The following SAMD5 variants were observed in gnomAD, a reference collection of about 807,000 sequenced individuals.
SAMD5 encodes sterile alpha motif domain containing 5, also known as sterile alpha motif domain-containing protein 5.
SAMD5 carries 13 observed loss-of-function variants against 11.3 expected under a neutral mutation model. The ratio of observed to expected loss-of-function variants is 1.15; its 90% CI spans 0.75 to 1.83. The LOEUF is 1.83. Among genes scored for constraint, SAMD5 ranks in the 40% most tolerant of loss-of-function variants. The probability of loss-of-function intolerance (pLI) is 0.00; values close to 1 mark genes in which losing one functional copy is unlikely to be tolerated. For missense variants in SAMD5, 255 were observed against 239.1 expected (o/e 1.07, Z -0.44); for synonymous variants, 129 against 111.3 (o/e 1.16, Z -1.00).
intron 1 of SAMD5, among the ~76,000 whole-genome samples, chr6:147,650,824 C>A (rs575139224): frequency 1.3e-5 from 2 of 152,216 alleles, no homozygotes; most frequent in Admixed American, 1.3e-4. Flanking sequence ...GTAGGGCATC[C>A]AGGCGGAGAT....
the SAMD5 span, among the ~76,000 whole-genome samples, chr6:147,900,309 T>C: frequency 3.3e-5 from 5 of 152,318 alleles, no homozygotes; most frequent in Admixed American, 2.6e-4. Flanking sequence ...TTCCTTGATA[T>C]TGAGTTGATA....
At chr6:147,853,014 C>T in the SAMD5 span, among the ~76,000 whole-genome samples, 1 of 152,164 alleles carries the variant, frequency 6.6e-6, no homozygotes, top group Non-Finnish European at 1.5e-5. Flanking sequence ...GTTTACTGGT[C>T]AAGAATCAGT....
chr6:147,739,980 C>T (rs536281702), downstream of SAMD5, among the ~76,000 whole-genome samples: 409 of 152,040 alleles, frequency 2.7e-3, no homozygotes, highest in African/African-American at 9.3e-3. Context: ...CCACCACGCC[C>T]GGCCAATTTT....
the SAMD5 span, among the ~76,000 whole-genome samples, chr6:147,890,360 T>C: frequency 2.1e-5 from 3 of 143,748 alleles, no homozygotes; most frequent in African/African-American, 8.6e-5. Flanking sequence ...TTTTCAATTA[T>C]CTTTTTTTTT....
At chr6:147,543,287 C>T (rs577298648) in intron 1 of SAMD5, among the ~76,000 whole-genome samples, 3 of 152,274 alleles carry the variant, frequency 2.0e-5, no homozygotes, top group South Asian at 2.1e-4. Context: ...TGTTCTGATA[C>T]CTAGAAACAA....
chr6:147,862,530 C>A, the SAMD5 span, among the ~76,000 whole-genome samples: 2 of 152,194 alleles, frequency 1.3e-5, no homozygotes, highest in South Asian at 4.1e-4. Context: ...TGGACCCTGG[C>A]AGCCTCCGGA....
intron 1 of SAMD5, among the ~76,000 whole-genome samples, chr6:147,528,309 C>G (rs188604819): frequency 9.1e-4 from 139 of 152,290 alleles, no homozygotes; most frequent in Admixed American, 4.5e-3. Flanking sequence ...TATTTTCTCA[C>G]AGTTCTGAAG....
the SAMD5 span, among the ~76,000 whole-genome samples, chr6:147,763,236 T>C: frequency 2.0e-5 from 3 of 151,822 alleles, no homozygotes; most frequent in African/African-American, 7.3e-5. Flanking sequence ...CTCGGCCCAC[T>C]GCAACCTCCG....
chr6:147,697,210 A>T (rs1791188619), intron 1 of SAMD5, among the ~76,000 whole-genome samples: 1 of 152,216 alleles, frequency 6.6e-6, no homozygotes. Context: ...CCAAGGAAGA[A>T]GGGTTTAATC....
the SAMD5 span, among the ~76,000 whole-genome samples, chr6:147,919,239 T>C: frequency 6.6e-6 from 1 of 152,204 alleles, no homozygotes; most frequent in East Asian, 1.9e-4. Flanking sequence ...GAGCCAAGCC[T>C]CTGCCCCATC....
intron 1 of SAMD5, among the ~76,000 whole-genome samples, chr6:147,575,903 C>T (rs982683765): frequency 6.6e-6 from 1 of 152,070 alleles, no homozygotes; most frequent in African/African-American, 2.4e-5. Flanking sequence ...TTAGCACCTT[C>T]CCTCATGGAA....
chr6:147,633,253 A>G (rs898570924), intron 1 of SAMD5, among the ~76,000 whole-genome samples: 4 of 152,210 alleles, frequency 2.6e-5, no homozygotes, highest in African/African-American at 9.6e-5. Flanking sequence ...TAATTACTTT[A>G]GATAATCTTT....
the SAMD5 span, among the ~76,000 whole-genome samples, chr6:147,916,760 T>C: frequency 1.6e-4 from 22 of 138,320 alleles, no homozygotes; most frequent in Admixed American, 4.0e-4. Context: ...CCTGTGTCGA[T>C]GTGTTCTCAT....
At chr6:147,683,153 G>T (rs923702986) in intron 1 of SAMD5, among the ~76,000 whole-genome samples, 2 of 152,210 alleles carry the variant, frequency 1.3e-5, no homozygotes, top group Non-Finnish European at 2.9e-5. Context: ...CATTAACACT[G>T]CGTGCCATTT....
chr6:147,898,855 G>A, the SAMD5 span, among the ~76,000 whole-genome samples: 26,670 of 151,902 alleles, frequency 0.18, 2,697 homozygotes, highest in Non-Finnish European at 0.23. Context: ...TAATAAGAGC[G>A]TGCTGATTGA....
At chr6:147,868,045 G>A in the SAMD5 span, among the ~76,000 whole-genome samples, 1 of 152,186 alleles carries the variant, frequency 6.6e-6, no homozygotes, top group African/African-American at 2.4e-5. Context: ...TGGAGGGAAT[G>A]TGAATTATAT....
the SAMD5 span, among the ~76,000 whole-genome samples, chr6:147,935,485 T>C: frequency 5.9e-5 from 9 of 152,302 alleles, no homozygotes; most frequent in South Asian, 1.0e-3. Context: ...TAAGCCAACA[T>C]ATTTCATAGT....
At chr6:147,909,632 C>CCTTCCTTCCTTCCTTCCT in the SAMD5 span, among the ~76,000 whole-genome samples, 8 of 61,142 alleles carry the variant, frequency 1.3e-4, no homozygotes, top group African/African-American at 8.1e-4. Context: ...TTCTTTCTTT[C>CCTTCCTTCCTTCCTTCCT]TCTTTCTTGT....
At chr6:147,586,457 A>G (rs938730602) in intron 1 of SAMD5, among the ~76,000 whole-genome samples, 2 of 152,146 alleles carry the variant, frequency 1.3e-5, no homozygotes, top group East Asian at 1.9e-4. Flanking sequence ...AGAAATATCT[A>G]TGTTGATGTT....
Sources: allele counts gnomAD v4.1 joint callset (sites outside exome capture counted in the v4.1 genomes callset), GRCh38; gene constraint gnomAD v4.1.1; transcripts MANE v1.5; gene names NCBI Gene and HGNC (gene_info 2026-07-23, HGNC 2026-07-21).